Variants in TPST2 observed in about 807,000 individuals in gnomAD.
The protein encoded by TPST2 is protein-tyrosine sulfotransferase 2.
Under a neutral mutation model 27.8 loss-of-function variants are expected in TPST2, and 16 were observed. The ratio of observed to expected loss-of-function variants is 0.58; its 90% CI spans 0.39 to 0.88. The LOEUF (loss-of-function observed/expected upper bound fraction) is 0.88. Ranked by LOEUF, TPST2 falls within the 40% of genes least tolerant of loss-of-function variation. The probability of loss-of-function intolerance (pLI) is 0.00; values close to 1 mark genes in which losing one functional copy is unlikely to be tolerated. For synonymous variants in TPST2, 229 were observed against 231.7 expected (o/e 0.99, Z 0.10); for missense variants, 464 against 543.1 (o/e 0.85, Z 1.45).
In TPST2 at chr22:26,540,762, A is replaced by G. The variant is rs762116465; in HGVS notation, c.842+27T>C. 1.1e-5 allele frequency: 17 copies of G among 1,540,990 alleles called. No individual in the cohort carries two copies. The East Asian group carries it at 3.9e-4, about 35-fold the overall frequency. ...CCTCTGACTCCAGGGCCAGAGTCTG[A>G]GTGGAAGCATCAGGGGCTCCACTCA... On this transcript the variant is annotated intron_variant, in intron 3 of 6. Coordinates refer to ENST00000338754, the MANE Select transcript of TPST2 (RefSeq NM_003595.5).
chr22:26,579,584 G>A (rs1305882406), intron 1 of TPST2, among the ~76,000 whole-genome samples: 2 of 152,234 alleles, frequency 1.3e-5, no homozygotes, highest in African/African-American at 4.8e-5. Context: ...AAAGGTTTCT[G>A]GCTGAGCCCC....
intron 1 of TPST2, among the ~76,000 whole-genome samples, chr22:26,579,916 G>C (rs1276081246): frequency 2.0e-5 from 3 of 151,844 alleles, no homozygotes; most frequent in East Asian, 3.9e-4. Flanking sequence ...TGGGGGGATG[G>C]GTGGGAGGGA....
intron 1 of TPST2, among the ~76,000 whole-genome samples, chr22:26,577,314 C>T (rs1158660582): frequency 6.8e-6 from 1 of 148,014 alleles, no homozygotes; most frequent in East Asian, 2.0e-4. Flanking sequence ...TTACTGTGTG[C>T]CTGGGGGGTT....
chr22:26,571,996 T>C (rs1927646854), intron 1 of TPST2, among the ~76,000 whole-genome samples: 1 of 152,164 alleles, frequency 6.6e-6, no homozygotes, highest in African/African-American at 2.4e-5. Flanking sequence ...CTTTCAAAGC[T>C]TCCCACTGTC....
intron 1 of TPST2, among the ~76,000 whole-genome samples, chr22:26,584,728 G>A (rs1928273076): frequency 6.6e-6 from 1 of 152,094 alleles, no homozygotes; most frequent in Non-Finnish European, 1.5e-5. Flanking sequence ...CAAATCCTAT[G>A]TCTCCCACTT....
intron 1 of TPST2, among the ~76,000 whole-genome samples, chr22:26,569,915 G>A (rs1481183646): frequency 1.4e-5 from 2 of 140,400 alleles, no homozygotes; most frequent in Non-Finnish European, 3.0e-5. Context: ...TCATGCCACT[G>A]CACTCCAGCC....
At chr22:26,536,254 G>A (rs1925456231) in intron 4 of TPST2, 34 bp downstream of exon 4, 1 of 1,612,436 alleles carries the variant, frequency 6.2e-7, no homozygotes. Flanking sequence ...ATATCCCCAA[G>A]AGTACACTTC....
intron 3 of TPST2, among the ~76,000 whole-genome samples, chr22:26,536,845 G>A (rs922645638): frequency 6.6e-6 from 1 of 152,196 alleles, no homozygotes; most frequent in African/African-American, 2.4e-5. Flanking sequence ...GATCACTTGA[G>A]CTCAGGAGTT....
At chr22:26,553,618 A>G (rs1926612047) in intron 1 of TPST2, among the ~76,000 whole-genome samples, 2 of 152,238 alleles carry the variant, frequency 1.3e-5, no homozygotes, top group East Asian at 1.9e-4. Flanking sequence ...TCAGCCTCCC[A>G]AAGTGCTAGG....
chr22:26,545,538 A>G (rs1222819853), intron 1 of TPST2, among the ~76,000 whole-genome samples: 1 of 152,160 alleles, frequency 6.6e-6, no homozygotes, highest in Non-Finnish European at 1.5e-5. Flanking sequence ...AGTCCAATTC[A>G]AACCTTCCCC....
chr22:26,563,660 T>A (rs1320737558), intron 1 of TPST2, among the ~76,000 whole-genome samples: 1 of 151,838 alleles, frequency 6.6e-6, no homozygotes, highest in Non-Finnish European at 1.5e-5. Flanking sequence ...TTCCAGAGCA[T>A]CCCAGCAGGA....
intron 1 of TPST2, among the ~76,000 whole-genome samples, chr22:26,578,402 G>T (rs766737275): frequency 6.6e-6 from 1 of 152,148 alleles, no homozygotes; most frequent in South Asian, 2.1e-4. Context: ...AGGAGACCAC[G>T]CTGAATGGGA....
chr22:26,569,109 C>T (rs1280452701), intron 1 of TPST2, among the ~76,000 whole-genome samples: 8 of 152,020 alleles, frequency 5.3e-5, no homozygotes, highest in African/African-American at 1.7e-4. Flanking sequence ...GTGATCCGCC[C>T]GCCTCAGCCT....
intron 1 of TPST2, among the ~76,000 whole-genome samples, chr22:26,553,344 CAGAG>C (rs994568484): frequency 2.0e-5 from 3 of 150,318 alleles, no homozygotes; most frequent in Non-Finnish European, 4.4e-5. Context: ...TAAGGACTAG[CAGAG>C]AGGCTTGTGC....
At chr22:26,538,755 G>A (rs962984058) in intron 3 of TPST2, among the ~76,000 whole-genome samples, 5 of 152,002 alleles carry the variant, frequency 3.3e-5, no homozygotes, top group Non-Finnish European at 5.9e-5. Context: ...CCCGGGAGGC[G>A]GAGGTTGCAG....
At position 26,538,445 on chromosome 22, in the gene TPST2, GGAA is replaced by G. The variant is rs1156755486; in HGVS notation, c.843-1962_843-1960del. 4.6e-5 allele frequency among the ~76,000 whole-genome samples: 7 copies of G among 152,354 alleles called. No homozygotes were observed. In the East Asian group the frequency reaches 1.3e-3, roughly 29 times the overall value. On this transcript the variant is annotated intron_variant, in intron 3 of 6. Coordinates refer to ENST00000338754, the MANE Select transcript of TPST2 (RefSeq NM_003595.5). ...ATGCTTGATACATATCAGTAAAACT[GGAA>G]ATAACCGAAGTGTCCAACAATAGGG...
intron 1 of TPST2, chr22:26,555,326 C>A (rs771781711): frequency 3.3e-5 from 17 of 509,434 alleles, no homozygotes; most frequent in African/African-American, 3.3e-4. Context: ...GGCTGCCCAC[C>A]TGGGCCAGGC....
Position 26,528,408 on chromosome 22 carries a change from G to A in TPST2, c.1093-146C>T. ...GTACATCTACTATGTGCCAGGTGCT[G>A]GGATAGCGTGGTGAGCGGGACAGAC... On this transcript the variant is annotated intron_variant, in intron 5 of 6. Transcript: ENST00000338754. 5 of 1,064,714 alleles carry A rather than the reference G, an allele frequency of 4.7e-6. No homozygotes were observed. In the South Asian group the frequency reaches 7.4e-5, roughly 16 times the overall value. 66.0% of individuals were successfully genotyped at this position (1,064,714 alleles called of 1,614,324 possible).
At chr22:26,551,872 CT>C (rs939725207) in intron 1 of TPST2, among the ~76,000 whole-genome samples, 3 of 120,064 alleles carry the variant, frequency 2.5e-5, no homozygotes, top group African/African-American at 9.3e-5. Context: ...TTTTCCTTTT[CT>C]TTTCTTTTTC....
Sources: allele counts gnomAD v4.1 joint callset (sites outside exome capture counted in the v4.1 genomes callset), GRCh38; gene constraint gnomAD v4.1.1; transcripts MANE v1.5; gene names NCBI Gene and HGNC (gene_info 2026-07-23, HGNC 2026-07-21).